Variants in BIRC6 observed in about 807,000 individuals in gnomAD.
The protein encoded by BIRC6 is baculoviral IAP repeat containing 6.
BIRC6 carries 98 observed loss-of-function variants against 503.3 expected under a neutral mutation model. The observed-to-expected ratio is 0.19, with a 90% CI of 0.17 to 0.23. The LOEUF (loss-of-function observed/expected upper bound fraction) is 0.23. BIRC6 is among the 10% of genes least tolerant of loss of function. The pLI is 1.00. For missense variants in BIRC6, 5,360 were observed against 5,806.0 expected (o/e 0.92, Z 2.50); for synonymous variants, 2,240 against 2,078.7 (o/e 1.08, Z -2.11).
At chr2:32,562,380 C>G (rs1310596273) in intron 65 of BIRC6, among the ~76,000 whole-genome samples, 1 of 152,170 alleles carries the variant, frequency 6.6e-6, no homozygotes, top group South Asian at 2.1e-4. Flanking sequence ...AGTTCCTACT[C>G]ACAGTTTACT....
chr2:32,569,502 G>A (rs1318341187), intron 65 of BIRC6, among the ~76,000 whole-genome samples: 1 of 152,082 alleles, frequency 6.6e-6, no homozygotes, highest in African/African-American at 2.4e-5. Context: ...CCAAGTAGCT[G>A]GGACTACAGG....
chr2:32,583,006 T>C (rs2060785203), intron 66 of BIRC6, among the ~76,000 whole-genome samples: 1 of 152,214 alleles, frequency 6.6e-6, no homozygotes, highest in East Asian at 1.9e-4. Context: ...TTTTAAGTTG[T>C]CCTCAATTAC....
intron 66 of BIRC6, 55 bp downstream of exon 66, chr2:32,575,421 A>G (rs1412843238): frequency 6.6e-7 from 1 of 1,514,030 alleles, no homozygotes; most frequent in Non-Finnish European, 9.2e-7. Flanking sequence ...TGTTTTTAAA[A>G]TAACTCCATG....
At chr2:32,360,795 A>G (rs192901366) in intron 1 of BIRC6, among the ~76,000 whole-genome samples, 175 of 152,326 alleles carry the variant, frequency 1.1e-3, no homozygotes, top group African/African-American at 3.9e-3. Flanking sequence ...TTTTGTAAAT[A>G]TATGAGGTCT....
rs143929826 is a variant in BIRC6, at chr2:32,482,209, G to A, written c.7543-220G>A. Among the ~76,000 whole-genome samples the A allele has an allele frequency of 1.1e-3, 174 of 152,228 alleles. 1 individual carries two copies. The highest frequency in any genetic ancestry group is 4.0e-3 in the African/African-American group (166 of 41,536). ...GATTTTATTAGGGATGCTACTTTCAGTTTCTAAACATATAAGGTATTTTTA... is the reference window on the plus strand; with the variant it reads ...GATTTTATTAGGGATGCTACTTTCAATTTCTAAACATATAAGGTATTTTTA... On this transcript the variant is annotated intron_variant, in intron 38 of 73. Coordinates refer to ENST00000421745, the MANE Select transcript of BIRC6 (RefSeq NM_016252.4).
At chr2:32,487,922 GAAA>G in intron 41 of BIRC6, 121 bp downstream of exon 41, 1 of 775,638 alleles carries the variant, frequency 1.3e-6, no homozygotes, top group South Asian at 2.1e-5. Context: ...TATTCAGTTG[GAAA>G]AATATTAGAA....
intron 45 of BIRC6, among the ~76,000 whole-genome samples, chr2:32,496,951 T>C (rs922709760): frequency 1.3e-5 from 2 of 152,358 alleles, no homozygotes; most frequent in Middle Eastern, 6.8e-3. Flanking sequence ...CTTCTTTTTC[T>C]CAATCTTAAG....
chr2:32,521,672 G>T (rs2055732412), intron 57 of BIRC6, among the ~76,000 whole-genome samples: 1 of 149,360 alleles, frequency 6.7e-6, no homozygotes, highest in Admixed American at 6.7e-5. Context: ...TAGAGATGGG[G>T]TTTTGTCATA....
intron 66 of BIRC6, among the ~76,000 whole-genome samples, chr2:32,585,433 G>C (rs560134881): frequency 6.6e-6 from 1 of 150,998 alleles, no homozygotes; most frequent in African/African-American, 2.4e-5. Flanking sequence ...AGTCTAGAGT[G>C]CTGTGGCGTG....
intron 66 of BIRC6, among the ~76,000 whole-genome samples, chr2:32,583,225 G>T (rs1266950368): frequency 1.3e-5 from 2 of 152,186 alleles, no homozygotes; most frequent in Non-Finnish European, 2.9e-5. Flanking sequence ...TTTAGTCTGT[G>T]TTTTGAAAGT....
intron 61 of BIRC6, chr2:32,532,036 GTATCA>G (rs2056806067): frequency 1.2e-5 from 6 of 502,826 alleles, no homozygotes; most frequent in Non-Finnish European, 2.4e-5. Flanking sequence ...CCATGCTCTT[GTATCA>G]ATCAGTAGGA....
intron 63 of BIRC6, among the ~76,000 whole-genome samples, chr2:32,547,594 C>A (rs894766008): frequency 6.6e-6 from 1 of 152,142 alleles, no homozygotes; most frequent in African/African-American, 2.4e-5. Flanking sequence ...CATCGGTTGG[C>A]ATCTAGGCTA....
At chr2:32,567,839 C>T (rs566724007) in intron 65 of BIRC6, among the ~76,000 whole-genome samples, 11 of 152,302 alleles carry the variant, frequency 7.2e-5, no homozygotes, top group Non-Finnish European at 1.0e-4. Flanking sequence ...TGGTGGCTCA[C>T]GCCTGTAATC....
chr2:32,518,168 A>T, intron 55 of BIRC6, 86 bp from the exon 56 acceptor site: 1 of 1,269,302 alleles, frequency 7.9e-7, no homozygotes, highest in Non-Finnish European at 1.1e-6. Context: ...AAACTTATTC[A>T]TATTTTCTGT....
At chr2:32,397,894 A>G (rs180738873) in intron 6 of BIRC6, among the ~76,000 whole-genome samples, 1 of 151,924 alleles carries the variant, frequency 6.6e-6, no homozygotes, top group African/African-American at 2.4e-5. Flanking sequence ...TTTTCTTGAC[A>G]TGGCCAGGGA....
chr2:32,372,594 G>T (rs1402915536), intron 1 of BIRC6, among the ~76,000 whole-genome samples: 2 of 152,112 alleles, frequency 1.3e-5, no homozygotes, highest in Non-Finnish European at 2.9e-5. Flanking sequence ...TGTAATCCCA[G>T]CACTTAGGGA....
chr2:32,426,373 C>A (rs1459341425), intron 10 of BIRC6, among the ~76,000 whole-genome samples: 1 of 152,188 alleles, frequency 6.6e-6, no homozygotes, highest in South Asian at 2.1e-4. Context: ...GAGGTCAAGG[C>A]GGGCAGATCA....
chr2:32,360,163 T>A (rs1298690534), intron 1 of BIRC6, among the ~76,000 whole-genome samples: 1 of 152,136 alleles, frequency 6.6e-6, no homozygotes, highest in Non-Finnish European at 1.5e-5. Context: ...AAAGACTAGG[T>A]GATACAGTAA....
chr2:32,406,987 A>G (rs2041293580), intron 9 of BIRC6, among the ~76,000 whole-genome samples: 1 of 152,210 alleles, frequency 6.6e-6, no homozygotes, highest in Non-Finnish European at 1.5e-5. Context: ...TACTAGGGCA[A>G]AATAATATAC....
Sources: gnomAD v4.1 joint callset for allele counts (sites outside exome capture counted in the v4.1 genomes callset) on GRCh38, gnomAD v4.1.1 for gene constraint, MANE v1.5 for transcripts, NCBI Gene and HGNC (gene_info 2026-07-23, HGNC 2026-07-21) for gene names.